PTPRK: variants seen among roughly 807,000 people sequenced by gnomAD.
The protein encoded by PTPRK is receptor-type tyrosine-protein phosphatase kappa.
A neutral mutation model predicts 178.0 loss-of-function variants in PTPRK; 75 were observed. The observed-to-expected ratio is 0.42, with a 90% confidence interval of 0.35 to 0.51. The LOEUF is 0.51. PTPRK is among the 20% of genes least tolerant of loss of function. PTPRK has a pLI of 0.02. For missense variants in PTPRK, 1,441 were observed against 1,797.8 expected, an observed-to-expected ratio of 0.80 and a Z score of 3.59; for synonymous variants, 637 against 620.6, an observed-to-expected ratio of 1.03 and a Z score of -0.39.
At chr6:128,505,080 A>G (rs1392747312) in intron 1 of PTPRK, among the ~76,000 whole-genome samples, 1 of 151,340 alleles carries the variant, frequency 6.6e-6, no homozygotes, top group East Asian at 2.0e-4. Context: ...AGTATACCAA[A>G]ATGATAACAA....
chr6:128,283,066 G>A (rs1274803095), intron 3 of PTPRK, among the ~76,000 whole-genome samples: 4 of 152,242 alleles, frequency 2.6e-5, no homozygotes, highest in Admixed American at 2.6e-4. Context: ...GTTAAAACAG[G>A]TCATGCTTTC....
chr6:128,143,394 G>GA (rs1224276767), intron 7 of PTPRK, among the ~76,000 whole-genome samples: 3 of 152,092 alleles, frequency 2.0e-5, no homozygotes, highest in South Asian at 4.1e-4. Flanking sequence ...CATAATACAT[G>GA]AATGTTTTAT....
chr6:128,468,936 A>AG (rs969937630), intron 1 of PTPRK, among the ~76,000 whole-genome samples: 1 of 152,130 alleles, frequency 6.6e-6, no homozygotes, highest in Non-Finnish European at 1.5e-5. Flanking sequence ...AAAAAAAAAA[A>AG]AAAACCTTAA....
At position 128,464,636 on chromosome 6, in the gene PTPRK, CACATATATAT is replaced by C. The variant is rs1380683781; in HGVS notation, c.100+55613_100+55622del. Among the ~76,000 whole-genome samples the C allele has an allele frequency of 2.0e-4, 8 of 40,744 alleles. 2 individuals are homozygous for C. Among genetic ancestry groups the C allele is most frequent in the African/African-American group, 4.4e-4 (7 of 16,004 alleles). The allele number at this position is 40,744 out of a possible 152,430, so 26.7% of individuals were successfully genotyped here. On this transcript the variant is annotated intron_variant, in intron 1 of 29. Transcript: ENST00000368226. ...ATACATATACATATATATATATATA[CACATATATAT>C]ATATATATATATATATATATATATA... is the stretch of plus-strand genomic sequence containing the variant.
intron 6 of PTPRK, among the ~76,000 whole-genome samples, chr6:128,192,490 T>C (rs1273591837): frequency 1.3e-5 from 2 of 152,018 alleles, no homozygotes; most frequent in Admixed American, 6.6e-5. Context: ...GCCTTAACAA[T>C]GCCCCAAAGA....
intron 5 of PTPRK, among the ~76,000 whole-genome samples, chr6:128,225,365 T>C (rs1026939665): frequency 4.6e-5 from 7 of 152,286 alleles, no homozygotes; most frequent in Admixed American, 4.6e-4. Context: ...GAAGACTGCA[T>C]ATGAGTTGTC....
At chr6:128,456,036 A>G (rs1483958025) in intron 1 of PTPRK, among the ~76,000 whole-genome samples, 1 of 152,116 alleles carries the variant, frequency 6.6e-6, no homozygotes. Context: ...ATTATTCATG[A>G]TAAGTCAGTC....
intron 3 of PTPRK, among the ~76,000 whole-genome samples, chr6:128,268,118 G>A (rs973152068): frequency 2.6e-5 from 4 of 152,022 alleles, no homozygotes; most frequent in African/African-American, 9.6e-5. Flanking sequence ...AGGCTGAAAT[G>A]GAAGCATTCA....
intron 1 of PTPRK, among the ~76,000 whole-genome samples, chr6:128,405,618 T>C (rs1328301917): frequency 6.6e-6 from 1 of 152,132 alleles, no homozygotes; most frequent in East Asian, 1.9e-4. Flanking sequence ...TAAACATATC[T>C]TTGTTTTGTT....
At chr6:128,443,090 A>G (rs918765943) in intron 1 of PTPRK, among the ~76,000 whole-genome samples, 4 of 152,152 alleles carry the variant, frequency 2.6e-5, no homozygotes, top group Non-Finnish European at 5.9e-5. Flanking sequence ...CTTCACAAAA[A>G]AAAAACCAAA....
chr6:128,485,618 G>A lies in PTPRK; in HGVS notation c.100+34641C>T, dbSNP rs1010645151. Among the ~76,000 whole-genome samples, 4 of 152,148 alleles carry A rather than the reference G, an allele frequency of 2.6e-5. No homozygotes were observed. In the South Asian group the frequency reaches 6.2e-4, roughly 24 times the overall value. On this transcript the variant is annotated intron_variant, in intron 1 of 29. Transcript: ENST00000368226. ...AAGAAGACTATTTTGCACAGTTGCT[G>A]TCCCCATGAGGAATGCTAGCGAATG...
chr6:128,094,488 A>T (rs1787572738), intron 7 of PTPRK, among the ~76,000 whole-genome samples: 1 of 152,170 alleles, frequency 6.6e-6, no homozygotes, highest in African/African-American at 2.4e-5. Flanking sequence ...TAATGTGTTA[A>T]TACCAAATGA....
At chr6:128,041,744 G>GTA (rs1045381824) in intron 13 of PTPRK, among the ~76,000 whole-genome samples, 1 of 151,410 alleles carries the variant, frequency 6.6e-6, no homozygotes, top group Admixed American at 6.6e-5. Context: ...TATTATATAT[G>GTA]TATATATATG....
intron 1 of PTPRK, among the ~76,000 whole-genome samples, chr6:128,437,172 A>C (rs1000190027): frequency 3.0e-4 from 46 of 152,170 alleles, no homozygotes; most frequent in Admixed American, 1.3e-3. Context: ...TAACTGTATA[A>C]GACCCAGAAC....
intron 7 of PTPRK, among the ~76,000 whole-genome samples, chr6:128,095,961 C>G (rs1431985122): frequency 1.3e-5 from 2 of 152,150 alleles, no homozygotes; most frequent in Non-Finnish European, 2.9e-5. Context: ...TCTTCCCTGT[C>G]AAATGTTGAT....
At chr6:128,337,757 A>G (rs1831138691) in intron 2 of PTPRK, among the ~76,000 whole-genome samples, 2 of 152,174 alleles carry the variant, frequency 1.3e-5, no homozygotes, top group African/African-American at 4.8e-5. Flanking sequence ...CCTCTACACA[A>G]GACAGTCTGG....
chr6:128,380,174 A>G lies in PTPRK; in HGVS notation c.223+17392T>C, dbSNP rs537590663. Among the ~76,000 whole-genome samples, 24 of 152,248 alleles carry G rather than the reference A, an allele frequency of 1.6e-4. 1 individual carries two copies. The highest frequency in any genetic ancestry group is 2.9e-4 in the Non-Finnish European group (20 of 67,986). On this transcript the variant is annotated intron_variant, in intron 2 of 29. Coordinates refer to ENST00000368226, the MANE Select transcript of PTPRK (RefSeq NM_002844.4). ...TCAATAACAGAAAAAACCTACAGATATTAGCCTCAGGAGAGAAAAAAATTC... is the reference window on the plus strand; with the variant it reads ...TCAATAACAGAAAAAACCTACAGATGTTAGCCTCAGGAGAGAAAAAAATTC...
intron 2 of PTPRK, among the ~76,000 whole-genome samples, chr6:128,352,264 A>AAG (rs1376349916): frequency 1.3e-5 from 2 of 151,244 alleles, no homozygotes; most frequent in Admixed American, 6.6e-5. Flanking sequence ...AAAAAAAAAA[A>AAG]AAAAAAAGAA....
chr6:128,348,663 T>C (rs951454156), intron 2 of PTPRK, among the ~76,000 whole-genome samples: 1 of 152,052 alleles, frequency 6.6e-6, no homozygotes, highest in African/African-American at 2.4e-5. Flanking sequence ...TGAGAAGTTT[T>C]ACTGGAAATA....
Sources: allele counts gnomAD v4.1 joint callset (sites outside exome capture counted in the v4.1 genomes callset), GRCh38; gene constraint gnomAD v4.1.1; transcripts MANE v1.5; gene names NCBI Gene and HGNC (gene_info 2026-07-23, HGNC 2026-07-21).